The following SHH variants were observed in gnomAD, a reference collection of about 807,000 sequenced individuals.
SHH encodes sonic hedgehog signaling molecule.
A neutral mutation model predicts 16.6 loss-of-function variants in SHH; 3 were observed. The ratio of observed to expected loss-of-function variants is 0.18; its 90% CI spans 0.08 to 0.47. The LOEUF (loss-of-function observed/expected upper bound fraction) is 0.47, where lower values mean the gene tolerates loss of function less well. SHH is among the 20% of genes least tolerant of loss of function. The pLI is 0.98. For missense variants in SHH, 499 were observed against 665.0 expected (o/e 0.75, Z 2.75); for synonymous variants, 351 against 316.2 (o/e 1.11, Z -1.17).
At chr7:155,805,414 G>C (rs1476537681) in intron 2 of SHH, among the ~76,000 whole-genome samples, 1 of 152,352 alleles carries the variant, frequency 6.6e-6, no homozygotes, top group East Asian at 1.9e-4. Context: ...TACTAACATA[G>C]TGCCATTAAC....
At chr7:155,806,167 C>G (rs1803355190) in intron 2 of SHH, 129 bp downstream of exon 2, 1 of 1,182,230 alleles carries the variant, frequency 8.5e-7, no homozygotes, top group Non-Finnish European at 1.2e-6. Context: ...ACCGCGGAAA[C>G]GCAGTCATCG....
At chr7:155,810,307 T>C (rs1350941101) in intron 1 of SHH, among the ~76,000 whole-genome samples, 6 of 151,670 alleles carry the variant, frequency 4.0e-5, no homozygotes, top group East Asian at 3.9e-4. Flanking sequence ...CTCTGGGACC[T>C]CGGGTATCCA....
intron 1 of SHH, chr7:155,806,815 A>T: frequency 1.6e-6 from 1 of 606,636 alleles, no homozygotes; most frequent in South Asian, 1.9e-5. Flanking sequence ...CCAGGTCCTG[A>T]AACAGCCGAT....
At chr7:155,806,754 G>C (rs1803375057) in intron 1 of SHH, 197 bp from the exon 2 acceptor site, 4 of 700,672 alleles carry the variant, frequency 5.7e-6, no homozygotes, top group Non-Finnish European at 1.0e-5. Context: ...CAGCATTTGC[G>C]GAGGAGCGTG....
Position 155,811,810 on chromosome 7 carries a change from G to T in SHH, c.300+13C>A, listed in dbSNP as rs758966457. The T allele has an allele frequency of 6.2e-7, 1 of 1,613,702 alleles. No individual in the cohort carries two copies. Among genetic ancestry groups the T allele is most frequent in the Non-Finnish European group, 8.5e-7 (1 of 1,179,646 alleles). On this transcript the variant is annotated intron_variant, in intron 1 of 2. Transcript: ENST00000297261. ...AAAGCCACACATTCCACGCCCCGGC[G>T]CTGGGTTCCTACCTGAGTCATCAGC...
chr7:155,804,241 C>T (rs1227101598), intron 2 of SHH, among the ~76,000 whole-genome samples: 1 of 150,872 alleles, frequency 6.6e-6, no homozygotes, highest in East Asian at 1.9e-4. Flanking sequence ...CGCCTGCCCG[C>T]CTGCCCGCCT....
rs571216237 is a variant in SHH at position 155,803,478 on chromosome 7, G to C, written c.811C>G (p.Leu271Val). 1 of 1,563,666 alleles carries C rather than the reference G, an allele frequency of 6.4e-7. No homozygotes were observed. The highest frequency in any genetic ancestry group is 1.3e-5 in the African/African-American group (1 of 74,186). ...TCGTTGTGCGGCGCCACAAAGAGCA[G>C]GTGCGCGGCGGTGAGCAGCAGGCGC... Reference protein sequence around the residue: ...RERLLLTAAHLLFVAPHNDSA... With the variant: ...RERLLLTAAHVLFVAPHNDSA... The change falls in exon 3 of 3, where the codon CTG (leucine) becomes GTG (valine). Residue 271 changes from leucine (L) to valine (V), a missense_variant. By Grantham distance (32) the Leu-to-Val change is conservative. Coordinates refer to ENST00000297261, the MANE Select transcript of SHH (RefSeq NM_000193.4).
intron 1 of SHH, among the ~76,000 whole-genome samples, chr7:155,808,164 T>TA (rs370261647): frequency 2.8e-4 from 42 of 148,796 alleles, no homozygotes; most frequent in South Asian, 8.6e-4. Context: ...TGCCAGCAGT[T>TA]AAAAAAAAAA....
In SHH at chr7:155,803,418, A is replaced by T; in HGVS notation, c.871T>A (p.Ser291Thr). The T allele has an allele frequency of 6.5e-7, 1 of 1,526,818 alleles. No homozygotes were observed. The highest frequency in any genetic ancestry group is 8.8e-7 in the Non-Finnish European group (1 of 1,142,704). 94.6% of individuals were successfully genotyped at this position (1,526,818 alleles called of 1,614,324 possible). ...AGTGCGCCCCCGGAAGGCGGCCCCG[A>T]GCCCGAGGACGCCTCGGGCTCCCCG... The part of the protein sequence containing the change: ...ATGEPEASSG[S>T]GPPSGGALGP... The change falls in exon 3 of 3, where the codon TCG becomes ACG. Residue 291 changes from serine (S) to threonine (T), a missense_variant. Physicochemically the swap from Ser to Thr is moderately conservative, Grantham distance 58. Around this residue, in one of 4 missense-constraint regions of SHH, gnomAD observed 299 missense variants for 301.1 expected, o/e 0.99. Transcript: ENST00000297261.
At position 155,811,161 on chromosome 7, in the gene SHH, A is replaced by G. The variant is rs551091630; in HGVS notation, c.300+662T>C. Reference sequence around the variant, plus strand: ...TCAATACATTCACACTCTGATGGGCACAATTGCGGACACGCAATCGCAAAG... The same window carrying G: ...TCAATACATTCACACTCTGATGGGCGCAATTGCGGACACGCAATCGCAAAG... On this transcript the variant is annotated intron_variant, in intron 1 of 2. Coordinates refer to ENST00000297261, the MANE Select transcript of SHH (RefSeq NM_000193.4). Among the ~76,000 whole-genome samples, 19 of 152,402 alleles carry G rather than the reference A, an allele frequency of 1.2e-4. No homozygotes were observed. The South Asian group carries it at 3.9e-3, about 32-fold the overall frequency.
intron 1 of SHH, among the ~76,000 whole-genome samples, chr7:155,808,664 A>T (rs1383113717): frequency 6.6e-6 from 1 of 152,164 alleles, no homozygotes; most frequent in African/African-American, 2.4e-5. Context: ...GTCGCAGGCA[A>T]AGCCGGGAAG....
chr7:155,801,883 C>T lies in SHH; in HGVS notation c.*1017G>A, dbSNP rs1426120193. ...ACATTTTATTTCTATAAAACTATTA[C>T]AAAATATTCAAAAATACATTTTAGT... On this transcript the variant is annotated 3_prime_UTR_variant, in exon 3 of 3. Coordinates refer to ENST00000297261, the MANE Select transcript of SHH (RefSeq NM_000193.4). The T allele has an allele frequency of 1.3e-5, 2 of 152,080 alleles. No homozygotes were observed. The highest frequency in any genetic ancestry group is 4.8e-5 in the African/African-American group (2 of 41,422). 9.4% of individuals were successfully genotyped at this position (152,080 alleles called of 1,614,324 possible).
At chr7:155,806,579 C>CA in intron 1 of SHH, 22 bp from the exon 2 acceptor site, 1 of 1,610,224 alleles carries the variant, frequency 6.2e-7, no homozygotes, top group Non-Finnish European at 8.5e-7. Flanking sequence ...AGGGGACCCC[C>CA]ACCGACGGAC....
chr7:155,803,085 CGCT>C lies in SHH; in HGVS notation c.1201_1203del (p.Ser401del). On this transcript the variant is annotated inframe_deletion, in exon 3 of 3. Transcript: ENST00000297261. ...CCGCCGCCCCCGCGGTCCCCGCCGC[CGCT>C]GTCCCCGCCGCGGTCCGTGCGCGCG... is the stretch of plus-strand genomic sequence containing the variant. The C allele has an allele frequency of 7.4e-7, 1 of 1,353,118 alleles. No individual in the cohort carries two copies. The highest frequency in any genetic ancestry group is 2.1e-5 in the South Asian group (1 of 47,472). 83.8% of individuals were successfully genotyped at this position (1,353,118 alleles called of 1,614,324 possible). A position where few individuals can be genotyped will look rare whatever the true frequency, so the allele number is the denominator to read the frequency against.
Position 155,803,012 on chromosome 7 carries a change from G to GAGATCTA in SHH, c.1276_1277insTAGATCT (p.Ala426ValfsTer74). ...CCAGTGGATGCCCGCGGTGGCCCCCGCACCCGGAGCGTCGGCAGCACCTGG... is the reference window on the plus strand; with the variant it reads ...CCAGTGGATGCCCGCGGTGGCCCCCGAGATCTACACCCGGAGCGTCGGCAGCACCTGG... On this transcript the variant is annotated frameshift_variant, in exon 3 of 3. Coordinates refer to ENST00000297261, the MANE Select transcript of SHH (RefSeq NM_000193.4). LOFTEE classifies it low-confidence loss of function (END_TRUNC). 1 of 1,542,088 alleles carries GAGATCTA rather than the reference G, an allele frequency of 6.5e-7. No individual in the cohort carries two copies. The highest frequency in any genetic ancestry group is 8.7e-7 in the Non-Finnish European group (1 of 1,144,996).
intron 1 of SHH, among the ~76,000 whole-genome samples, chr7:155,810,034 C>G (rs13225885): frequency 2.6e-5 from 4 of 152,018 alleles, no homozygotes; most frequent in Non-Finnish European, 4.4e-5. Context: ...CTGTTAGCTC[C>G]TGCGGTGCCT....
At chr7:155,805,263 C>T (rs1254438424) in intron 2 of SHH, among the ~76,000 whole-genome samples, 1 of 151,996 alleles carries the variant, frequency 6.6e-6, no homozygotes, top group East Asian at 1.9e-4. Context: ...GCGCCGCCTC[C>T]TGCCTGCCTG....
rs900614343 is a variant in SHH, at chr7:155,802,796, A to T, written c.*104T>A. The T allele has an allele frequency of 6.4e-6, 4 of 624,234 alleles. No homozygotes were observed. The highest frequency in any genetic ancestry group is 4.2e-5 in the Admixed American group (1 of 23,928). 38.7% of individuals were successfully genotyped at this position (624,234 alleles called of 1,614,324 possible). A position where few individuals can be genotyped will look rare whatever the true frequency, so the allele number is the denominator to read the frequency against. The stretch of plus-strand genomic sequence containing the variant: ...ACTTTATTATTCTTATTCTTATTAT[A>T]ACTCAGTCTGGTTCGTGCGCCTTTT... On this transcript the variant is annotated 3_prime_UTR_variant, in exon 3 of 3. Coordinates refer to ENST00000297261, the MANE Select transcript of SHH (RefSeq NM_000193.4).
At position 155,809,682 on chromosome 7, in the gene SHH, G is replaced by A. The variant is rs1410290405; in HGVS notation, c.300+2141C>T. Among the ~76,000 whole-genome samples the A allele has an allele frequency of 7.9e-5, 12 of 152,280 alleles. No individual in the cohort carries two copies. Among genetic ancestry groups the A allele is most frequent in the Admixed American group, 7.2e-4 (11 of 15,306 alleles). On this transcript the variant is annotated intron_variant, in intron 1 of 2. Coordinates refer to ENST00000297261, the MANE Select transcript of SHH (RefSeq NM_000193.4). This position sits in a 1 kb window ranked among gnomAD's most constrained non-coding sequence, Gnocchi z 6.1. ...TGTGTTGGGAACGGGAATAGCCACT[G>A]CCCAAGGAAAAAAGTATTTGTTTTC...
Sources: gnomAD v4.1 joint callset for allele counts (sites outside exome capture counted in the v4.1 genomes callset) on GRCh38, gnomAD v4.1.1 for gene constraint, gnomAD v4.1.1 regional missense constraint, Gnocchi (gnomAD v3.1) non-coding constraint, MANE v1.5 for transcripts, NCBI Gene and HGNC (gene_info 2026-07-23, HGNC 2026-07-21) for gene names.